PDLIM7: variants seen among roughly 807,000 people sequenced by gnomAD.
The protein encoded by PDLIM7 is PDZ and LIM domain 7, also known as PDZ and LIM domain protein 7.
In PDLIM7, 37 loss-of-function variants were observed where a neutral mutation model predicts 53.9. That is an observed-to-expected ratio of 0.69 (90% CI 0.53 to 0.90). The LOEUF is 0.90. Among genes scored for constraint, PDLIM7 ranks in the 40% least tolerant of loss-of-function variants. The pLI, the probability that PDLIM7 is intolerant of heterozygous loss-of-function variation, is 0.00. For synonymous variants in PDLIM7, 300 were observed against 261.3 expected (o/e 1.15, Z -1.43); for missense variants, 617 against 638.5 (o/e 0.97, Z 0.36).
At chr5:177,487,760 C>T (rs1412133191) in intron 10 of PDLIM7, 2 of 267,844 alleles carry the variant, frequency 7.5e-6, no homozygotes, top group Non-Finnish European at 1.4e-5. Flanking sequence ...TTCAGCGTGT[C>T]AAGTTGGCCG....
intron 4 of PDLIM7, 93 bp from the exon 5 acceptor site, chr5:177,492,018 C>T (rs550780581): frequency 1.8e-6 from 1 of 571,334 alleles, no homozygotes; most frequent in African/African-American, 2.0e-5. Context: ...ACAGCGGCAG[C>T]TCCAGCCCCC....
intron 2 of PDLIM7, among the ~76,000 whole-genome samples, chr5:177,494,167 C>T (rs973627926): frequency 6.6e-6 from 1 of 152,214 alleles, no homozygotes; most frequent in African/African-American, 2.4e-5. Flanking sequence ...GGATTTTACC[C>T]ATTTTGCACT....
intron 10 of PDLIM7, among the ~76,000 whole-genome samples, chr5:177,485,349 T>TCGGGGCCAGC (rs541373599): frequency 2.6e-5 from 4 of 152,236 alleles, no homozygotes; most frequent in African/African-American, 7.2e-5. Flanking sequence ...CCTAGGACCC[T>TCGGGGCCAGC]CGGGGCCAGC....
At chr5:177,491,373 G>A (rs1266427757) in intron 5 of PDLIM7, 10 of 1,551,928 alleles carry the variant, frequency 6.4e-6, no homozygotes, top group East Asian at 2.4e-5. Context: ...AAAGGAAGAA[G>A]AAAGGCACAG....
chr5:177,496,425 TG>T lies in PDLIM7; in HGVS notation c.87del (p.Ile30PhefsTer22), dbSNP rs1453394083. The T allele has an allele frequency of 6.3e-7, 1 of 1,592,088 alleles. No individual in the cohort carries two copies. The highest frequency in any genetic ancestry group is 8.6e-7 in the Non-Finnish European group (1 of 1,169,162). ...CCCAAACCTAGGCTCACCCGGGAAATGGAGAGGGGCACATTGAAGTCCTTGC... is the reference window on the plus strand; with the variant it reads ...CCCAAACCTAGGCTCACCCGGGAAATGAGAGGGGCACATTGAAGTCCTTGC... ...QGGKDFNVPLSISRLTPGGKA... is the reference protein window; with the variant it reads ...QGGKDFNVPLXISRLTPGGKA... On this transcript the variant is annotated frameshift_variant, in exon 2 of 13. Transcript: ENST00000355841. LOFTEE classifies it high-confidence loss of function.
At chr5:177,491,279 GC>G (rs1232255600) in intron 5 of PDLIM7, 133 bp from the exon 6 acceptor site, 1 of 1,434,898 alleles carries the variant, frequency 7.0e-7, no homozygotes, top group African/African-American at 1.4e-5. Context: ...CAGGAGCCCT[GC>G]TGGGCGGGTA....
intron 10 of PDLIM7, among the ~76,000 whole-genome samples, chr5:177,486,593 T>C (rs1000104763): frequency 2.0e-5 from 3 of 151,344 alleles, no homozygotes; most frequent in East Asian, 3.9e-4. Context: ...CTACCAGGGG[T>C]GTGGGCTGGT....
At chr5:177,491,744 C>G (rs1186353281) in intron 5 of PDLIM7, 63 bp downstream of exon 5, 1 of 803,386 alleles carries the variant, frequency 1.2e-6, no homozygotes, top group Admixed American at 4.1e-5. Flanking sequence ...CAGCAGCGGG[C>G]AGCGGGCGTG....
In PDLIM7 at chr5:177,497,008, G is replaced by GGGGGAGGGGA. The variant is rs1325490583; in HGVS notation, c.-11-486_-11-485insTCCCCTCCCC. On this transcript the variant is annotated intron_variant, in intron 1 of 12. Transcript: ENST00000355841. ...GAGCACACGGGGGCTTGGGACGCGA[G>GGGGGAGGGGA]GGGGGGGGGAGGGGAGGGGAGGGGA... 9.7e-4 allele frequency: 66 copies of GGGGGAGGGGA among 67,936 alleles called. 3 individuals are homozygous for GGGGGAGGGGA. Among genetic ancestry groups the GGGGGAGGGGA allele is most frequent in the African/African-American group, 2.9e-3 (64 of 21,838 alleles). The allele number at this position is 67,936 out of a possible 1,614,324, so 4.2% of individuals were successfully genotyped here.
Position 177,491,796 on chromosome 5 carries a change from G to A in PDLIM7, c.398+11C>T. 3 of 1,227,296 alleles carry A rather than the reference G, an allele frequency of 2.4e-6. No individual in the cohort carries two copies. The highest frequency in any genetic ancestry group is 3.1e-6 in the Non-Finnish European group (3 of 961,484). The allele number at this position is 1,227,296 out of a possible 1,614,324, so 76.0% of individuals were successfully genotyped here. On this transcript the variant is annotated intron_variant, in intron 5 of 12. Transcript: ENST00000355841. Reference sequence around the variant, plus strand: ...GATGGCGTGGGCGCGGGCGGGCAGGGGCCGACGTACCCATTCTGCTGCGGG... The same window carrying A: ...GATGGCGTGGGCGCGGGCGGGCAGGAGCCGACGTACCCATTCTGCTGCGGG...
chr5:177,487,428 T>C (rs1240925681), intron 10 of PDLIM7, among the ~76,000 whole-genome samples: 1 of 152,212 alleles, frequency 6.6e-6, no homozygotes, highest in Non-Finnish European at 1.5e-5. Flanking sequence ...TCCCCTTTCT[T>C]CTCCTTCCGA....
rs2127409269 is a variant in PDLIM7 at position 177,484,078 on chromosome 5, C to A, written c.1163G>T (p.Cys388Phe). 1.2e-6 allele frequency: 2 copies of A among 1,614,016 alleles called. No individual in the cohort carries two copies. Among genetic ancestry groups the A allele is most frequent in the Non-Finnish European group, 1.7e-6 (2 of 1,179,978 alleles). ...AFYMEEGVPY[C>F]ERDYEKMFGT... ...CACTGGCCAGTGGGTACCTCGCTCG[C>A]AATAGGGCACGCCCTCCTCCATGTA... Residue 388 changes from cysteine (C) to phenylalanine (F), a missense_variant, in exon 11 of 13, where the codon TGC becomes TTC. Cys to Phe is a radical substitution (Grantham distance 205). Coordinates refer to ENST00000355841, the MANE Select transcript of PDLIM7 (RefSeq NM_005451.5).
intron 7 of PDLIM7, chr5:177,490,198 C>A (rs1163743726): frequency 6.9e-7 from 1 of 1,444,198 alleles, no homozygotes; most frequent in Non-Finnish European, 9.1e-7. Flanking sequence ...CACCCCCACA[C>A]CCCAAATGCA....
intron 2 of PDLIM7, among the ~76,000 whole-genome samples, chr5:177,493,221 G>A (rs1758896154): frequency 6.6e-6 from 1 of 152,156 alleles, no homozygotes; most frequent in Non-Finnish European, 1.5e-5. Context: ...GGTCTGCTGG[G>A]ACCCTTTGAG....
intron 2 of PDLIM7, among the ~76,000 whole-genome samples, chr5:177,494,051 G>A (rs376354611): frequency 2.0e-5 from 3 of 152,188 alleles, no homozygotes; most frequent in Non-Finnish European, 2.9e-5. Context: ...AGAGCTCGGC[G>A]GCCCCTTCCT....
At chr5:177,490,106 T>C in intron 7 of PDLIM7, 1 of 1,520,548 alleles carries the variant, frequency 6.6e-7, no homozygotes, top group Non-Finnish European at 8.8e-7. Context: ...CCATCTGTGA[T>C]GGCAGGGCAG....
intron 5 of PDLIM7, chr5:177,491,362 A>C: frequency 6.4e-7 from 1 of 1,551,390 alleles, no homozygotes; most frequent in Non-Finnish European, 8.7e-7. Context: ...CCAGAGTGCC[A>C]AAAGGAAGAA....
chr5:177,492,371 G>A (rs1455447855), intron 4 of PDLIM7, 34 bp downstream of exon 4: 19 of 1,610,020 alleles, frequency 1.2e-5, no homozygotes, highest in Non-Finnish European at 1.4e-5. Context: ...AGCCCACACC[G>A]CCCACCGCCC....
rs1317883999 is a variant in PDLIM7, at chr5:177,491,836, C to T, written c.369G>A (p.Pro123=). ...NKTARPFGAP[P]PADSAPQQNG... ...TCTGCTGCGGGGCGCTGTCAGCGGG[C>T]GGGGGCGCCCCAAAGGGCCGGGCCG... The change falls in exon 5 of 13, where the codon CCG becomes CCA. Residue 123 remains proline, a synonymous_variant. Coordinates refer to ENST00000355841, the MANE Select transcript of PDLIM7 (RefSeq NM_005451.5). 4 of 1,283,344 alleles carry T rather than the reference C, an allele frequency of 3.1e-6. No individual in the cohort carries two copies. The South Asian group carries it at 1.2e-4, about 40-fold the overall frequency. The allele number at this position is 1,283,344 out of a possible 1,614,324, so 79.5% of individuals were successfully genotyped here.
Sources: allele counts gnomAD v4.1 joint callset (sites outside exome capture counted in the v4.1 genomes callset), GRCh38; gene constraint gnomAD v4.1.1; transcripts MANE v1.5; gene names NCBI Gene and HGNC (gene_info 2026-07-23, HGNC 2026-07-21).